The following TMEM192 variants were observed in gnomAD, a reference collection of about 807,000 sequenced individuals.
TMEM192 encodes the protein transmembrane protein 192.
TMEM192 carries 20 observed loss-of-function variants against 26.7 expected under a neutral mutation model. That is an observed-to-expected ratio of 0.75 (90% CI 0.53 to 1.09). The LOEUF (loss-of-function observed/expected upper bound fraction) is 1.09, where lower values mean the gene tolerates loss of function less well. Among genes scored for constraint, TMEM192 ranks in the 50% least tolerant of loss-of-function variants. The probability of loss-of-function intolerance (pLI) is 0.00; values close to 1 mark genes in which losing one functional copy is unlikely to be tolerated. For synonymous variants in TMEM192, 124 were observed against 121.0 expected, an observed-to-expected ratio of 1.02 and a Z score of -0.16; for missense variants, 304 against 322.6, an observed-to-expected ratio of 0.94 and a Z score of 0.44.
intron 1 of TMEM192, among the ~76,000 whole-genome samples, chr4:165,104,160 T>C (rs1456958189): frequency 6.6e-6 from 1 of 152,192 alleles, no homozygotes; most frequent in Non-Finnish European, 1.5e-5. Context: ...TACTTTTAAT[T>C]TGCTAAGAGT....
chr4:165,089,364 A>G (rs1266731638), intron 3 of TMEM192, among the ~76,000 whole-genome samples: 1 of 152,064 alleles, frequency 6.6e-6, no homozygotes, highest in Non-Finnish European at 1.5e-5. Flanking sequence ...TCTGTCGCCC[A>G]GGCTGGAGTG....
chr4:165,101,398 G>A (rs1057176787), intron 2 of TMEM192, among the ~76,000 whole-genome samples: 2 of 149,368 alleles, frequency 1.3e-5, no homozygotes, highest in African/African-American at 4.9e-5. Context: ...ATACGGTCTT[G>A]CCCTGTTGCC....
chr4:165,095,432 C>T (rs1437995530), intron 3 of TMEM192, among the ~76,000 whole-genome samples: 1 of 152,148 alleles, frequency 6.6e-6, no homozygotes, highest in African/African-American at 2.4e-5. Flanking sequence ...GTGAGGACTC[C>T]AGCAGGCATT....
At chr4:165,087,710 C>T (rs1169149298) in intron 4 of TMEM192, among the ~76,000 whole-genome samples, 1 of 152,042 alleles carries the variant, frequency 6.6e-6, no homozygotes, top group African/African-American at 2.4e-5. Flanking sequence ...GAGGCCAAGG[C>T]GGGCGGATCA....
intron 3 of TMEM192, among the ~76,000 whole-genome samples, chr4:165,098,413 C>T (rs568591617): frequency 1.4e-4 from 22 of 152,096 alleles, no homozygotes. Flanking sequence ...GCGTGAGCCA[C>T]CACGCCCAGG....
intron 3 of TMEM192, among the ~76,000 whole-genome samples, chr4:165,099,960 A>G (rs1326777594): frequency 6.6e-6 from 1 of 152,012 alleles, no homozygotes; most frequent in Non-Finnish European, 1.5e-5. Flanking sequence ...AGAGAAAATA[A>G]AATAAAATTT....
In TMEM192 at chr4:165,074,358, CA is replaced by C. The variant is rs1280230701; in HGVS notation, c.*5299del. On this transcript the variant is annotated 3_prime_UTR_variant, in exon 6 of 6. Transcript: ENST00000306480. ...AAACCTAGAGAATGTTTTGAGATCT[CA>C]AATTTGTGATTGTCACATATTCAAA... 1 of 152,140 alleles carries C rather than the reference CA, an allele frequency of 6.6e-6. No individual in the cohort carries two copies. Among genetic ancestry groups the C allele is most frequent in the Non-Finnish European group, 1.5e-5 (1 of 68,022 alleles). 9.4% of individuals were successfully genotyped at this position (152,140 alleles called of 1,614,324 possible).
intron 2 of TMEM192, among the ~76,000 whole-genome samples, chr4:165,101,359 T>A (rs1735035967): frequency 2.0e-5 from 3 of 151,842 alleles, no homozygotes; most frequent in Admixed American, 2.0e-4. Flanking sequence ...TTTTGTTTTG[T>A]TTAAATGTAT....
At chr4:165,080,235 T>C (rs1203108904) in intron 5 of TMEM192, among the ~76,000 whole-genome samples, 1 of 152,130 alleles carries the variant, frequency 6.6e-6, no homozygotes, top group African/African-American at 2.4e-5. Context: ...CATTTCTCCT[T>C]TTTTCTCCCA....
intron 5 of TMEM192, among the ~76,000 whole-genome samples, chr4:165,081,361 C>CT (rs1285304064): frequency 1.2e-3 from 166 of 142,380 alleles, no homozygotes; most frequent in Middle Eastern, 3.8e-3. Context: ...TATATACTGA[C>CT]TTTTTTTTTT....
At chr4:165,093,190 G>T (rs969631064) in intron 3 of TMEM192, among the ~76,000 whole-genome samples, 2 of 145,450 alleles carry the variant, frequency 1.4e-5, no homozygotes, top group Non-Finnish European at 1.5e-5. Flanking sequence ...TCTGCCTCCA[G>T]GGTTCAAGTG....
At position 165,104,773 on chromosome 4, in the gene TMEM192, C is replaced by T. The variant is rs143076871; in HGVS notation, c.28-1677G>A. Among the ~76,000 whole-genome samples the T allele has an allele frequency of 3.1e-4, 47 of 152,252 alleles. No homozygotes were observed. In the East Asian group the frequency reaches 3.7e-3, roughly 12 times the overall value. ...CTCAAACTCCCAACCCCAGGTGATC[C>T]GCCTGCCTCAGCCTCCCAAAGTGCT... On this transcript the variant is annotated intron_variant, in intron 1 of 5. Transcript: ENST00000306480.
rs1453408069 is a variant in TMEM192 at position 165,075,551 on chromosome 4, GC to G, written c.*4106del. On this transcript the variant is annotated 3_prime_UTR_variant, in exon 6 of 6. Coordinates refer to ENST00000306480, the MANE Select transcript of TMEM192 (RefSeq NM_001100389.2). Reference sequence around the variant, plus strand: ...TTACAGGTGTGAGCCACCGTGCCCAGCCGAAATACAAAATTTTTAGTATTTT... The same window carrying G: ...TTACAGGTGTGAGCCACCGTGCCCAGCGAAATACAAAATTTTTAGTATTTT... 6.6e-6 allele frequency: 1 copy of G among 150,542 alleles called. No homozygotes were observed. The highest frequency in any genetic ancestry group is 1.5e-5 in the Non-Finnish European group (1 of 67,932). 9.3% of individuals were successfully genotyped at this position (150,542 alleles called of 1,614,324 possible). A position where few individuals can be genotyped will look rare whatever the true frequency, so the allele number is the denominator to read the frequency against.
chr4:165,093,986 G>A (rs369246672), intron 3 of TMEM192, among the ~76,000 whole-genome samples: 3 of 152,136 alleles, frequency 2.0e-5, no homozygotes, highest in South Asian at 2.1e-4. Context: ...TGTAACCTCC[G>A]CCTCCCAGGT....
At position 165,072,478 on chromosome 4, in the gene TMEM192, A is replaced by T. The variant is rs1455600260; in HGVS notation, c.*7180T>A. 6.6e-6 allele frequency: 1 copy of T among 151,076 alleles called. No individual in the cohort carries two copies. The highest frequency in any genetic ancestry group is 1.9e-4 in the East Asian group (1 of 5,162). 9.4% of individuals were successfully genotyped at this position (151,076 alleles called of 1,614,324 possible). On this transcript the variant is annotated 3_prime_UTR_variant, in exon 6 of 6. Coordinates refer to ENST00000306480, the MANE Select transcript of TMEM192 (RefSeq NM_001100389.2). ...AGGCTGAAGCAAGAGAATCACTTGA[A>T]CCTGGGAGGCGGAGGTTGCAGTGAG... is the stretch of plus-strand genomic sequence containing the variant.
At chr4:165,080,210 A>G (rs768705974) in intron 5 of TMEM192, among the ~76,000 whole-genome samples, 3 of 152,182 alleles carry the variant, frequency 2.0e-5, no homozygotes, top group Admixed American at 6.6e-5. Flanking sequence ...AATGTATGGC[A>G]TTTGTTTATT....
chr4:165,102,951 T>C lies in TMEM192; in HGVS notation c.173A>G (p.His58Arg). Reference sequence around the variant, plus strand: ...GTCCCCTTCTTGCAGCCAACTTACATGAATAAACCACAGAAGATTCACTAT... The same window carrying C: ...GTCCCCTTCTTGCAGCCAACTTACACGAATAAACCACAGAAGATTCACTAT... ...VIIVNLLWFI[H>R]LVFVVLAFLT... The change falls in exon 2 of 6, where the codon CAT becomes CGT. Residue 58 changes from histidine (H) to arginine (R), a missense_variant and splice_region_variant. By Grantham distance (29) the His-to-Arg change is conservative. Transcript: ENST00000306480. 6 of 1,608,716 alleles carry C rather than the reference T, an allele frequency of 3.7e-6. No individual in the cohort carries two copies. The highest frequency in any genetic ancestry group is 1.1e-5 in the South Asian group (1 of 90,110).
rs1346655279 is a variant in TMEM192 at position 165,083,031 on chromosome 4, G to A, written c.677+2555C>T. Among the ~76,000 whole-genome samples the A allele has an allele frequency of 1.5e-4, 6 of 39,848 alleles. 3 individuals carry two copies. The highest frequency in any genetic ancestry group is 1.9e-4 in the Non-Finnish European group (2 of 10,584). 26.1% of individuals were successfully genotyped at this position (39,848 alleles called of 152,430 possible). A position where few individuals can be genotyped will look rare whatever the true frequency, so the allele number is the denominator to read the frequency against. ...ATTACAGGCGTGAGCCACCACGTCCGGCATAAACTGAATTTCATTGCCCCA... is the reference window on the plus strand; with the variant it reads ...ATTACAGGCGTGAGCCACCACGTCCAGCATAAACTGAATTTCATTGCCCCA... On this transcript the variant is annotated intron_variant, in intron 5 of 5. Coordinates refer to ENST00000306480, the MANE Select transcript of TMEM192 (RefSeq NM_001100389.2).
Position 165,077,595 on chromosome 4 carries a change from AT to A in TMEM192, c.*2062del, listed in dbSNP as rs1734413135. ...CCCCGCCTGTACTAAAAATACAAAA[AT>A]TAGCCAGGCATGGTGGCATGTGCCT... On this transcript the variant is annotated 3_prime_UTR_variant, in exon 6 of 6. Coordinates refer to ENST00000306480, the MANE Select transcript of TMEM192 (RefSeq NM_001100389.2). 1 of 152,176 alleles carries A rather than the reference AT, an allele frequency of 6.6e-6. No individual in the cohort carries two copies. Among genetic ancestry groups the A allele is most frequent in the Non-Finnish European group, 1.5e-5 (1 of 68,070 alleles). 9.4% of individuals were successfully genotyped at this position (152,176 alleles called of 1,614,324 possible).
Sources: allele counts gnomAD v4.1 joint callset (sites outside exome capture counted in the v4.1 genomes callset), GRCh38; gene constraint gnomAD v4.1.1; transcripts MANE v1.5; gene names NCBI Gene and HGNC (gene_info 2026-07-23, HGNC 2026-07-21).